Variants in CTIF observed in about 807,000 individuals in gnomAD.
The protein encoded by CTIF is CBP80/20-dependent translation initiation factor.
Under a neutral mutation model 66.0 loss-of-function variants are expected in CTIF, and 21 were observed. The observed-to-expected ratio is 0.32, with a 90% CI of 0.23 to 0.46. The LOEUF (loss-of-function observed/expected upper bound fraction) is 0.46, where lower values mean the gene tolerates loss of function less well. Ranked by LOEUF, CTIF falls within the 20% of genes least tolerant of loss-of-function variation. CTIF has a pLI of 1.00. For missense variants in CTIF, 739 were observed against 812.7 expected, an observed-to-expected ratio of 0.91 and a Z score of 1.10; for synonymous variants, 345 against 326.4, an observed-to-expected ratio of 1.06 and a Z score of -0.62.
chr18:48,685,072 C>A (rs898340066), intron 6 of CTIF, among the ~76,000 whole-genome samples: 1 of 143,412 alleles, frequency 7.0e-6, no homozygotes, highest in African/African-American at 2.6e-5. Flanking sequence ...CAAGATCAGA[C>A]TTTGCTTTTA....
chr18:48,635,847 G>A (rs756717540), intron 2 of CTIF, among the ~76,000 whole-genome samples: 1 of 152,172 alleles, frequency 6.6e-6, no homozygotes, highest in Non-Finnish European at 1.5e-5. Flanking sequence ...ACCCAGCATG[G>A]CTCTCCTCAT....
chr18:48,685,123 T>C (rs772302931), intron 6 of CTIF, among the ~76,000 whole-genome samples: 1 of 152,156 alleles, frequency 6.6e-6, no homozygotes, highest in Non-Finnish European at 1.5e-5. Context: ...TCTTTGTCTT[T>C]TATGACCTTG....
Position 48,576,652 on chromosome 18 carries a change from A to G in CTIF, c.-29+37340A>G, listed in dbSNP as rs11877402. ...AATTGCTGACACTAAGTCTCTCCGT[A>G]ATACCAAATGAAACAAGGTTCCATG... is the stretch of plus-strand genomic sequence containing the variant. On this transcript the variant is annotated intron_variant, in intron 1 of 11. Coordinates refer to ENST00000256413, the MANE Select transcript of CTIF (RefSeq NM_014772.3). Among the ~76,000 whole-genome samples the G allele has an allele frequency of 4.9e-3, 741 of 152,350 alleles. 4 individuals are homozygous for G. The highest frequency in any genetic ancestry group is 0.017 in the African/African-American group (723 of 41,586).
chr18:48,754,677 C>T (rs1420653495), intron 7 of CTIF, among the ~76,000 whole-genome samples: 1 of 152,386 alleles, frequency 6.6e-6, no homozygotes, highest in East Asian at 1.9e-4. Context: ...TCCCTGGCTT[C>T]CCTCCCACCT....
chr18:48,858,265 G>A (rs1245414355), intron 11 of CTIF, among the ~76,000 whole-genome samples: 7 of 152,236 alleles, frequency 4.6e-5, no homozygotes, highest in Non-Finnish European at 1.0e-4. Flanking sequence ...GGTGGCTTCC[G>A]CCTGGCTGCA....
intron 6 of CTIF, among the ~76,000 whole-genome samples, chr18:48,695,084 A>AAGC (rs1376448563): frequency 1.3e-5 from 2 of 152,226 alleles, no homozygotes; most frequent in African/African-American, 4.8e-5. Flanking sequence ...GATTCACATG[A>AAGC]AGCAGCACAG....
chr18:48,860,312 C>T lies in CTIF; in HGVS notation c.*753C>T, dbSNP rs72915664. 0.017 allele frequency: 4,676 copies of T among 279,248 alleles called. 55 individuals carry two copies. Among genetic ancestry groups the T allele is most frequent in the Middle Eastern group, 0.032 (24 of 752 alleles). 17.3% of individuals were successfully genotyped at this position (279,248 alleles called of 1,614,324 possible). ...AGTCTCTTTGGCCAATGAAAATGCCCGTGATGTGATCACACAGTCAGCACT... is the reference window on the plus strand; with the variant it reads ...AGTCTCTTTGGCCAATGAAAATGCCTGTGATGTGATCACACAGTCAGCACT... On this transcript the variant is annotated 3_prime_UTR_variant, in exon 12 of 12. Coordinates refer to ENST00000256413, the MANE Select transcript of CTIF (RefSeq NM_014772.3).
intron 10 of CTIF, among the ~76,000 whole-genome samples, chr18:48,846,440 C>T (rs76497060): frequency 6.7e-6 from 1 of 148,464 alleles, no homozygotes; most frequent in Non-Finnish European, 1.5e-5. Flanking sequence ...TAAATGTTGC[C>T]GAGTGGATGG....
At chr18:48,558,857 C>A (rs2089083479) in intron 1 of CTIF, among the ~76,000 whole-genome samples, 1 of 152,254 alleles carries the variant, frequency 6.6e-6, no homozygotes, top group Admixed American at 6.5e-5. Flanking sequence ...ATTCTCCAAC[C>A]AATAATAAAT....
At chr18:48,765,436 A>G (rs1909427644) in intron 9 of CTIF, among the ~76,000 whole-genome samples, 1 of 152,156 alleles carries the variant, frequency 6.6e-6, no homozygotes, top group African/African-American at 2.4e-5. Flanking sequence ...CAAAGGGGCC[A>G]GGGTGTGAAG....
intron 6 of CTIF, among the ~76,000 whole-genome samples, chr18:48,676,324 C>G (rs2091629124): frequency 6.6e-6 from 1 of 152,218 alleles, no homozygotes. Flanking sequence ...CCAGGGCTTT[C>G]TATCAGGACG....
chr18:48,666,615 C>T (rs569063964), intron 5 of CTIF, among the ~76,000 whole-genome samples: 5 of 152,350 alleles, frequency 3.3e-5, no homozygotes, highest in South Asian at 4.1e-4. Context: ...GCCTCTCACA[C>T]GCCTCTTTTT....
At chr18:48,837,216 G>A (rs2068831667) in intron 10 of CTIF, among the ~76,000 whole-genome samples, 1 of 152,112 alleles carries the variant, frequency 6.6e-6, no homozygotes, top group South Asian at 2.1e-4. Context: ...CATGGTCTCG[G>A]ATCCAAATCC....
intron 10 of CTIF, among the ~76,000 whole-genome samples, chr18:48,849,811 C>T (rs1180931942): frequency 6.6e-6 from 1 of 151,830 alleles, no homozygotes; most frequent in East Asian, 1.9e-4. Context: ...ATCTTGATCT[C>T]TTGACATCGT....
chr18:48,670,569 C>A, intron 5 of CTIF, 100 bp from the exon 6 acceptor site: 1 of 1,063,440 alleles, frequency 9.4e-7, no homozygotes, highest in South Asian at 1.3e-5. Context: ...GTGGGCAGCA[C>A]CAGGTATCTG....
chr18:48,812,129 A>AT (rs1488786458), intron 9 of CTIF, among the ~76,000 whole-genome samples: 1 of 151,912 alleles, frequency 6.6e-6, no homozygotes, highest in Non-Finnish European at 1.5e-5. Flanking sequence ...CACCTGGCTA[A>AT]TTTTTTATAT....
intron 10 of CTIF, among the ~76,000 whole-genome samples, chr18:48,850,714 C>T (rs1371171108): frequency 6.6e-6 from 1 of 152,206 alleles, no homozygotes; most frequent in African/African-American, 2.4e-5. Flanking sequence ...CAAGGGCCCC[C>T]TGGAAGAGGC....
At chr18:48,622,436 A>G (rs945974859) in intron 2 of CTIF, among the ~76,000 whole-genome samples, 1 of 151,996 alleles carries the variant, frequency 6.6e-6, no homozygotes, top group Non-Finnish European at 1.5e-5. Context: ...ATCCATCTTC[A>G]TGGATCTTGA....
At chr18:48,817,516 C>G in intron 10 of CTIF, 140 bp downstream of exon 10, 2 of 1,015,862 alleles carry the variant, frequency 2.0e-6, no homozygotes, top group Non-Finnish European at 2.8e-6. Flanking sequence ...TGGCTCACAC[C>G]TGTAATCCCA....
Sources: allele counts gnomAD v4.1 joint callset (sites outside exome capture counted in the v4.1 genomes callset), GRCh38; gene constraint gnomAD v4.1.1; transcripts MANE v1.5; gene names NCBI Gene and HGNC (gene_info 2026-07-23, HGNC 2026-07-21).